PACS1: variants seen among roughly 807,000 people sequenced by gnomAD.
PACS1 encodes the protein PACS-1.
A neutral mutation model predicts 115.0 loss-of-function variants in PACS1; 24 were observed. The observed-to-expected ratio is 0.21, with a 90% CI of 0.15 to 0.29. The LOEUF is 0.29. Among genes scored for constraint, PACS1 ranks in the 10% least tolerant of loss-of-function variants. The pLI is 1.00. For missense variants in PACS1, 838 were observed against 1,251.2 expected (o/e 0.67, Z 4.98); for synonymous variants, 453 against 504.5 (o/e 0.90, Z 1.37).
chr11:66,221,132 C>T, intron 9 of PACS1, 22 bp from the exon 10 acceptor site: 2 of 1,601,288 alleles, frequency 1.2e-6, no homozygotes, highest in South Asian at 2.2e-5. Flanking sequence ...AGCACTGACC[C>T]TGGCTGTGCT....
At chr11:66,165,332 C>T (rs1859577668) in intron 1 of PACS1, among the ~76,000 whole-genome samples, 1 of 152,152 alleles carries the variant, frequency 6.6e-6, no homozygotes, top group African/African-American at 2.4e-5. Context: ...TCTCCTCTGC[C>T]AGACTTCTAA....
intron 1 of PACS1, among the ~76,000 whole-genome samples, chr11:66,190,490 A>C (rs1057374121): frequency 1.3e-5 from 2 of 152,076 alleles, no homozygotes; most frequent in African/African-American, 4.8e-5. Flanking sequence ...CAATGGCGCA[A>C]TCTTGGCTCA....
At chr11:66,099,065 A>G (rs1242268187) in intron 1 of PACS1, among the ~76,000 whole-genome samples, 3 of 151,254 alleles carry the variant, frequency 2.0e-5, no homozygotes, top group Non-Finnish European at 4.4e-5. Context: ...TCCCTTTTCA[A>G]TGGAGTCTCA....
intron 1 of PACS1, among the ~76,000 whole-genome samples, chr11:66,170,795 T>G (rs1859717240): frequency 6.8e-6 from 1 of 147,260 alleles, no homozygotes; most frequent in Admixed American, 6.7e-5. Flanking sequence ...AAAAAAAAAT[T>G]TGCAGGGTGT....
intron 2 of PACS1, among the ~76,000 whole-genome samples, chr11:66,194,908 A>G (rs1385735850): frequency 6.6e-6 from 1 of 152,156 alleles, no homozygotes; most frequent in Admixed American, 6.6e-5. Flanking sequence ...GTTAGTCCCA[A>G]ATACATAATT....
rs775537865 is a variant in PACS1 at position 66,239,225 on chromosome 11, A to G, written c.2377A>G (p.Thr793Ala). The G allele has an allele frequency of 1.1e-5, 18 of 1,613,794 alleles. No homozygotes were observed. Among genetic ancestry groups the G allele is most frequent in the Non-Finnish European group, 1.5e-5 (18 of 1,179,952 alleles). ...PSSSGLSRDA[T>A]ATPPSSPSMS... ...CAGCTCGGGCCTGAGCCGAGACGCCACGGCCACCCCTCCCTCCTCCCCATC... is the reference window on the plus strand; with the variant it reads ...CAGCTCGGGCCTGAGCCGAGACGCCGCGGCCACCCCTCCCTCCTCCCCATC... The change falls in exon 21 of 24, where the codon ACG (threonine) becomes GCG (alanine). Residue 793 changes from threonine to alanine, a missense_variant. This residue lies in a region of PACS1 where 383 missense variants were observed against 537.0 expected (regional missense o/e 0.71). Transcript: ENST00000320580.
At chr11:66,082,725 G>T (rs994766926) in intron 1 of PACS1, among the ~76,000 whole-genome samples, 2 of 152,138 alleles carry the variant, frequency 1.3e-5, no homozygotes, top group Admixed American at 1.3e-4. Flanking sequence ...GCGTGTGGCG[G>T]TCGCCTGTAA....
chr11:66,106,953 C>G (rs909020544), intron 1 of PACS1, among the ~76,000 whole-genome samples: 2 of 152,138 alleles, frequency 1.3e-5, no homozygotes, highest in African/African-American at 4.8e-5. Flanking sequence ...TTCATGTGAG[C>G]ATTCTTGCCC....
At chr11:66,071,301 C>T (rs1857307768) in intron 1 of PACS1, among the ~76,000 whole-genome samples, 1 of 152,200 alleles carries the variant, frequency 6.6e-6, no homozygotes, top group African/African-American at 2.4e-5. Context: ...ACCCTAGGGG[C>T]TTCTCATTAG....
chr11:66,226,267 G>A (rs1005083936), intron 10 of PACS1, among the ~76,000 whole-genome samples: 3 of 152,194 alleles, frequency 2.0e-5, no homozygotes, highest in African/African-American at 7.2e-5. Context: ...CTGTGGCTGT[G>A]AGCCATTACA....
At chr11:66,219,441 A>G (rs1479315082) in intron 7 of PACS1, 4 of 494,890 alleles carry the variant, frequency 8.1e-6, no homozygotes, top group African/African-American at 1.9e-5. Context: ...GGCACTGTGA[A>G]TCCGAAGGGC....
chr11:66,083,325 G>T (rs927635993), intron 1 of PACS1, among the ~76,000 whole-genome samples: 1 of 151,878 alleles, frequency 6.6e-6, no homozygotes, highest in African/African-American at 2.4e-5. Context: ...TTCATTAAAC[G>T]CATGTAATGT....
intron 2 of PACS1, among the ~76,000 whole-genome samples, chr11:66,199,561 A>C (rs1431190319): frequency 6.6e-6 from 1 of 152,180 alleles, no homozygotes; most frequent in South Asian, 2.1e-4. Context: ...TGACTTTCAC[A>C]AAAAGAAAGA....
intron 1 of PACS1, among the ~76,000 whole-genome samples, chr11:66,131,125 C>G (rs567899117): frequency 6.6e-6 from 1 of 152,284 alleles, no homozygotes; most frequent in African/African-American, 2.4e-5. Flanking sequence ...TATATGTCTT[C>G]TTACGAACTT....
chr11:66,225,248 G>A (rs1294274842), intron 10 of PACS1, among the ~76,000 whole-genome samples: 1 of 152,196 alleles, frequency 6.6e-6, no homozygotes, highest in Non-Finnish European at 1.5e-5. Context: ...AGCTGACATT[G>A]TCCATGAGCA....
intron 13 of PACS1, 134 bp downstream of exon 13, chr11:66,231,074 GAAGA>G (rs1855582657): frequency 8.8e-7 from 1 of 1,130,644 alleles, no homozygotes; most frequent in East Asian, 2.5e-5. Context: ...AAAAACTCTT[GAAGA>G]AAGACTAAAT....
chr11:66,132,103 T>C (rs1858719074), intron 1 of PACS1, among the ~76,000 whole-genome samples: 1 of 152,208 alleles, frequency 6.6e-6, no homozygotes, highest in Non-Finnish European at 1.5e-5. Flanking sequence ...AAATCTCATC[T>C]TGAATTGTAA....
intron 1 of PACS1, among the ~76,000 whole-genome samples, chr11:66,158,312 A>G (rs1859406230): frequency 6.6e-6 from 1 of 152,218 alleles, no homozygotes; most frequent in African/African-American, 2.4e-5. Flanking sequence ...ATGTTACATC[A>G]AGGAAACAAG....
chr11:66,239,269 C>T lies in PACS1; in HGVS notation c.2421C>T (p.Ala807=), dbSNP rs1368220682. 1.9e-6 allele frequency: 3 copies of T among 1,611,728 alleles called. No individual in the cohort carries two copies. The highest frequency in any genetic ancestry group is 2.2e-5 in the South Asian group (2 of 91,012). Residue 807 remains alanine, a synonymous_variant, in exon 21 of 24, where the codon GCC becomes GCT. Transcript: ENST00000320580. Reference sequence around the variant, plus strand: ...CCCCATCTATGAGCAGCGCCCTGGCCATCGTGGGGTAAGGCTCCTGCCCGT... The same window carrying T: ...CCCCATCTATGAGCAGCGCCCTGGCTATCGTGGGGTAAGGCTCCTGCCCGT... ...PSSPSMSSAL[A]IVGSPNSPYG... is the part of the protein sequence containing the mutation.
Sources: allele counts gnomAD v4.1 joint callset (sites outside exome capture counted in the v4.1 genomes callset), GRCh38; gene constraint gnomAD v4.1.1; regional missense constraint gnomAD v4.1.1; transcripts MANE v1.5; gene names NCBI Gene and HGNC (gene_info 2026-07-23, HGNC 2026-07-21).